The following CDYL variants were observed in gnomAD, a reference collection of about 807,000 sequenced individuals.
CDYL encodes the protein chromodomain Y-like protein.
In CDYL, 8 loss-of-function variants were observed where a neutral mutation model predicts 47.3. That is an observed-to-expected ratio of 0.17 (90% CI 0.10 to 0.31). The LOEUF is 0.31. CDYL is among the 10% of genes least tolerant of loss of function. The probability of loss-of-function intolerance (pLI) is 1.00; values close to 1 mark genes in which losing one functional copy is unlikely to be tolerated. For missense variants in CDYL, 471 were observed against 701.4 expected (o/e 0.67, Z 3.71); for synonymous variants, 266 against 265.0 (o/e 1.00, Z -0.04).
intron 5 of CDYL, among the ~76,000 whole-genome samples, chr6:4,949,323 G>A (rs1758626452): frequency 6.6e-6 from 1 of 152,218 alleles, no homozygotes. Flanking sequence ...CACACCTTGA[G>A]AGCCCTCTCT....
chr6:4,745,320 A>AT (rs1248212079), intron 3 of CDYL, among the ~76,000 whole-genome samples: 1 of 152,202 alleles, frequency 6.6e-6, no homozygotes, highest in East Asian at 1.9e-4. Flanking sequence ...CTCTATGAAC[A>AT]AAAAGGGGGA....
At chr6:4,802,988 G>A (rs1471461320) in intron 1 of CDYL, among the ~76,000 whole-genome samples, 5 of 152,024 alleles carry the variant, frequency 3.3e-5, no homozygotes, top group Non-Finnish European at 7.4e-5. Flanking sequence ...TCTTTCCATT[G>A]CGTCCCCCAC....
rs571105173 is a variant in CDYL, at chr6:4,769,126, C to T, written c.186+34282C>T. Reference sequence around the variant, plus strand: ...TAATGCGGCGTCACAGATGGGATCCCGGGGCAGAAAAAAGAAAATTAGGTA... The same window carrying T: ...TAATGCGGCGTCACAGATGGGATCCTGGGGCAGAAAAAAGAAAATTAGGTA... On this transcript the variant is annotated intron_variant, in intron 3 of 8. Coordinates refer to the CDYL transcript ENST00000328908. Among the ~76,000 whole-genome samples the T allele has an allele frequency of 1.4e-4, 21 of 151,954 alleles. No homozygotes were observed. In the East Asian group the frequency reaches 2.3e-3, roughly 17 times the overall value.
At chr6:4,795,566 T>C (rs1198581775) in intron 1 of CDYL, among the ~76,000 whole-genome samples, 1 of 152,194 alleles carries the variant, frequency 6.6e-6, no homozygotes, top group East Asian at 1.9e-4. Context: ...TATTGATTTA[T>C]GAGTACTATT....
chr6:4,746,250 G>C (rs1757894879), intron 3 of CDYL, among the ~76,000 whole-genome samples: 1 of 151,620 alleles, frequency 6.6e-6, no homozygotes, highest in Admixed American at 6.6e-5. Context: ...TGTAATCCCA[G>C]CTACTCAGGT....
At chr6:4,739,974 A>AG in intron 3 of CDYL, among the ~76,000 whole-genome samples, 1 of 152,274 alleles carries the variant, frequency 6.6e-6, no homozygotes, top group East Asian at 1.9e-4. Flanking sequence ...GAAAAAAAAA[A>AG]GTAATTGATA....
chr6:4,725,304 C>T (rs949450703), intron 2 of CDYL, among the ~76,000 whole-genome samples: 20 of 152,398 alleles, frequency 1.3e-4, no homozygotes, highest in East Asian at 3.9e-4. Flanking sequence ...GTGGAGCTGC[C>T]TGCCAGTCCT....
At chr6:4,803,909 G>A (rs1339836470) in intron 1 of CDYL, among the ~76,000 whole-genome samples, 1 of 151,062 alleles carries the variant, frequency 6.6e-6, no homozygotes, top group Non-Finnish European at 1.5e-5. Context: ...TCCTTATATT[G>A]GTGGTGTAAA....
intron 3 of CDYL, among the ~76,000 whole-genome samples, chr6:4,749,329 A>G (rs191276631): frequency 7.2e-6 from 1 of 138,618 alleles, no homozygotes; most frequent in Non-Finnish European, 1.6e-5. Flanking sequence ...GGATGGATGG[A>G]TGGATGGATG....
At chr6:4,893,911 T>G (rs1023018134) in intron 2 of CDYL, among the ~76,000 whole-genome samples, 1 of 152,166 alleles carries the variant, frequency 6.6e-6, no homozygotes, top group Admixed American at 6.5e-5. Context: ...AGCAAAAAAG[T>G]GGAATATGAA....
At chr6:4,866,489 ATAT>A (rs1295473996) in intron 1 of CDYL, among the ~76,000 whole-genome samples, 1 of 152,136 alleles carries the variant, frequency 6.6e-6, no homozygotes, top group Non-Finnish European at 1.5e-5. Context: ...CAAGTATGAG[ATAT>A]TATAGTAAGT....
Position 4,778,970 on chromosome 6 carries a change from A to T in CDYL, c.24+2163A>T, listed in dbSNP as rs535678226. Among the ~76,000 whole-genome samples the T allele has an allele frequency of 2.0e-5, 3 of 152,186 alleles. No homozygotes were observed. In the South Asian group the frequency reaches 6.2e-4, roughly 31 times the overall value. On this transcript the variant is annotated intron_variant, in intron 1 of 6. Coordinates refer to ENST00000397588, the MANE Select transcript of CDYL (RefSeq NM_004824.4). ...TGAAATTGGGATCAGTGTTTCCCTT[A>T]TAGAGCTATGAAGTTTACATGAGAA...
chr6:4,891,992 G>A lies in CDYL; in HGVS notation c.304G>A (p.Gly102Arg), dbSNP rs1351617758. 1.2e-6 allele frequency: 2 copies of A among 1,614,164 alleles called. No homozygotes were observed. Among genetic ancestry groups the A allele is most frequent in the Non-Finnish European group, 8.5e-7 (1 of 1,180,030 alleles). The change falls in exon 2 of 7, where the codon GGG becomes AGG. Residue 102 changes from glycine to arginine, a missense_variant. Physicochemically the swap from Gly to Arg is moderately radical, Grantham distance 125 (BLOSUM62 -2). Transcript: ENST00000397588. Reference protein sequence around the residue: ...SKTSPKALVIGKDHESKNSQL... With the variant: ...SKTSPKALVIRKDHESKNSQL... ...GACCTCTCCTAAGGCACTCGTGATT[G>A]GGAAAGACCACGAATCCAAAAACAG...
At chr6:4,871,463 G>A (rs1656512480) in intron 1 of CDYL, among the ~76,000 whole-genome samples, 1 of 152,164 alleles carries the variant, frequency 6.6e-6, no homozygotes, top group Non-Finnish European at 1.5e-5. Context: ...AAAAACAAGA[G>A]GGCTGATGTG....
Position 4,788,600 on chromosome 6 carries a change from G to A in CDYL, c.24+11793G>A, listed in dbSNP as rs549987982. 2.6e-5 allele frequency among the ~76,000 whole-genome samples: 4 copies of A among 151,596 alleles called. No individual in the cohort carries two copies. In the East Asian group the frequency reaches 7.8e-4, roughly 29 times the overall value. ...GCAAATAAGGACGTCCCTAGGCCCT[G>A]AAGGTGGGTCAGGAACTCTCAAAGA... On this transcript the variant is annotated intron_variant, in intron 1 of 6. Transcript: ENST00000397588.
chr6:4,744,881 G>A (rs1165707726), intron 3 of CDYL, among the ~76,000 whole-genome samples: 1 of 152,016 alleles, frequency 6.6e-6, no homozygotes, highest in African/African-American at 2.4e-5. Context: ...TCTCAACTGT[G>A]TCAACTATTC....
At chr6:4,942,520 G>C (rs1758389810) in intron 4 of CDYL, among the ~76,000 whole-genome samples, 1 of 152,216 alleles carries the variant, frequency 6.6e-6, no homozygotes, top group Non-Finnish European at 1.5e-5. Flanking sequence ...CAAGTGAAAA[G>C]CTGTCCTTAC....
intron 2 of CDYL, among the ~76,000 whole-genome samples, chr6:4,919,911 A>G (rs1283477334): frequency 6.7e-6 from 1 of 149,702 alleles, no homozygotes; most frequent in Non-Finnish European, 1.5e-5. Context: ...TTGTACCCCT[A>G]TGTTAACATC....
intron 1 of CDYL, among the ~76,000 whole-genome samples, chr6:4,873,371 A>G (rs1001804314): frequency 1.3e-5 from 2 of 152,182 alleles, no homozygotes; most frequent in Admixed American, 6.5e-5. Flanking sequence ...CAAAAGGGGT[A>G]TATTTAATTT....
Sources: gnomAD v4.1 joint callset for allele counts (sites outside exome capture counted in the v4.1 genomes callset) on GRCh38, gnomAD v4.1.1 for gene constraint, MANE v1.5 for transcripts, NCBI Gene and HGNC (gene_info 2026-07-23, HGNC 2026-07-21) for gene names.